The following ARID3B variants were observed in gnomAD, a reference collection of about 807,000 sequenced individuals.
The protein encoded by ARID3B is AT-rich interaction domain 3B.
A neutral mutation model predicts 51.9 loss-of-function variants in ARID3B; 10 were observed. That is an observed-to-expected ratio of 0.19 (90% confidence interval 0.12 to 0.33). The LOEUF is 0.33. Among genes scored for constraint, ARID3B ranks in the 10% least tolerant of loss-of-function variants. The pLI, the probability that ARID3B is intolerant of heterozygous loss-of-function variation, is 1.00. For missense variants in ARID3B, 483 were observed against 716.3 expected (o/e 0.67, Z 3.72); for synonymous variants, 205 against 279.5 (o/e 0.73, Z 2.66).
rs371858380 is a variant in ARID3B at position 74,584,220 on chromosome 15, T to C, written c.698-5600T>C. 5.3e-5 allele frequency among the ~76,000 whole-genome samples: 8 copies of C among 152,292 alleles called. No individual in the cohort carries two copies. In the East Asian group the frequency reaches 1.5e-3, roughly 29 times the overall value. On this transcript the variant is annotated intron_variant, in intron 4 of 8. Transcript: ENST00000346246. ...GTAGTTGCCAGTATCTGTTGTGATA[T>C]TCTCTATATGAACAAGTCATGGGGG...
chr15:74,551,033 G>T (rs2061635683), intron 2 of ARID3B, among the ~76,000 whole-genome samples: 1 of 152,198 alleles, frequency 6.6e-6, no homozygotes, highest in Admixed American at 6.5e-5. Context: ...AAGTCCTGCA[G>T]TCAGCTCTGT....
chr15:74,562,201 G>A (rs1380126282), intron 2 of ARID3B, among the ~76,000 whole-genome samples: 1 of 151,996 alleles, frequency 6.6e-6, no homozygotes, highest in South Asian at 2.1e-4. Flanking sequence ...GAGTGCAATA[G>A]CACGATCTTG....
rs2061597702 is a variant in ARID3B at position 74,542,152 on chromosome 15, GTGAT to G, written c.-78+830_-78+833del. Among the ~76,000 whole-genome samples the G allele has an allele frequency of 3.3e-5, 5 of 152,222 alleles. No individual in the cohort carries two copies. The South Asian group carries it at 8.3e-4, about 25-fold the overall frequency. On this transcript the variant is annotated intron_variant, in intron 1 of 8. Transcript: ENST00000346246. ...ACTTGGTTGAGAAGTTATTCCGATC[GTGAT>G]TGATTGACTGTAATGACTATGAGGA...
intron 2 of ARID3B, among the ~76,000 whole-genome samples, chr15:74,549,268 G>A (rs1325788073): frequency 6.6e-6 from 1 of 151,926 alleles, no homozygotes; most frequent in Non-Finnish European, 1.5e-5. Context: ...GTAGAGACGG[G>A]GTTTCACCGT....
intron 2 of ARID3B, among the ~76,000 whole-genome samples, chr15:74,544,691 T>G (rs2061609131): frequency 6.9e-6 from 1 of 144,584 alleles, no homozygotes; most frequent in Admixed American, 6.9e-5. Context: ...ATGTTACTCT[T>G]TTTTTTTTTT....
chr15:74,591,522 G>A lies in ARID3B; in HGVS notation c.1166-38G>A, dbSNP rs775159484. ...AAGACTGGGGTTTTGGGGCAAGAGG[G>A]TCAATTGTGGATTGGTCCAGCTCCA... is the stretch of plus-strand genomic sequence containing the variant. On this transcript the variant is annotated intron_variant, in intron 6 of 8. Transcript: ENST00000346246. This position sits in a 1 kb window ranked among gnomAD's most constrained non-coding sequence, Gnocchi z 5.8. 1.9e-6 allele frequency: 3 copies of A among 1,599,494 alleles called. No homozygotes were observed. Among genetic ancestry groups the A allele is most frequent in the South Asian group, 1.1e-5 (1 of 89,980 alleles).
chr15:74,591,401 C>T lies in ARID3B; in HGVS notation c.1132C>T (p.Pro378Ser). The T allele has an allele frequency of 6.2e-7, 1 of 1,608,088 alleles. No homozygotes were observed. The highest frequency in any genetic ancestry group is 2.2e-5 in the East Asian group (1 of 44,664). ...CAGCAGTGGTACCAATACCAGTAGCCCTCGGATATCCCCAGCAACCACTCT... is the reference window on the plus strand; with the variant it reads ...CAGCAGTGGTACCAATACCAGTAGCTCTCGGATATCCCCAGCAACCACTCT... ...GSSSGTNTSS[P>S]RISPATTLRK... The change falls in exon 6 of 9, where the codon CCT becomes TCT. Residue 378 changes from proline to serine, a missense_variant. By Grantham distance (74) the Pro-to-Ser change is moderately conservative (BLOSUM62 -1). Around this residue, in one of 3 missense-constraint regions of ARID3B, gnomAD observed 265 missense variants for 354.4 expected, o/e 0.75. Coordinates refer to ENST00000346246, the MANE Select transcript of ARID3B (RefSeq NM_006465.4). This position sits in a 1 kb window ranked among gnomAD's most constrained non-coding sequence, Gnocchi z 5.8.
chr15:74,585,213 C>G (rs965833506), intron 4 of ARID3B, among the ~76,000 whole-genome samples: 1 of 152,218 alleles, frequency 6.6e-6, no homozygotes, highest in Non-Finnish European at 1.5e-5. Flanking sequence ...GATCTCTCTT[C>G]AGTGGGTGTT....
At chr15:74,541,930 T>C (rs2061596904) in intron 1 of ARID3B, among the ~76,000 whole-genome samples, 1 of 152,086 alleles carries the variant, frequency 6.6e-6, no homozygotes, top group African/African-American at 2.4e-5. Context: ...CAGGTGGCAT[T>C]GTTTGGATCG....
Position 74,595,649 on chromosome 15 carries a change from A to G in ARID3B, c.1558A>G (p.Thr520Ala). 6.2e-7 allele frequency: 1 copy of G among 1,613,284 alleles called. No individual in the cohort carries two copies. The highest frequency in any genetic ancestry group is 2.2e-5 in the East Asian group (1 of 44,860). The change falls in exon 9 of 9, where the codon ACG becomes GCG. Residue 520 changes from threonine (T) to alanine (A), a missense_variant. By Grantham distance (58) the Thr-to-Ala change is moderately conservative. Around this residue, in one of 3 missense-constraint regions of ARID3B, gnomAD observed 265 missense variants for 354.4 expected, o/e 0.75. Transcript: ENST00000346246. ...FAQKPVVHLI[T>A]GSAPQSLGSS... ...CCAGAAGCCTGTGGTCCACCTCATC[A>G]CGGGGTCTGCTCCCCAGAGCCTCGG...
intron 4 of ARID3B, among the ~76,000 whole-genome samples, chr15:74,586,256 C>T (rs2061781300): frequency 6.6e-6 from 1 of 152,236 alleles, no homozygotes; most frequent in African/African-American, 2.4e-5. Flanking sequence ...CAGAAGAGTA[C>T]ACTTTCCCCT....
chr15:74,584,195 G>T lies in ARID3B; in HGVS notation c.698-5625G>T, dbSNP rs145675065. On this transcript the variant is annotated intron_variant, in intron 4 of 8. Transcript: ENST00000346246. ...AGTTTTTCAGCCCTTGTCCCCTGTAGTAGTTGCCAGTATCTGTTGTGATAT... is the reference window on the plus strand; with the variant it reads ...AGTTTTTCAGCCCTTGTCCCCTGTATTAGTTGCCAGTATCTGTTGTGATAT... Among the ~76,000 whole-genome samples, 830 of 152,322 alleles carry T rather than the reference G, an allele frequency of 5.4e-3. 3 individuals are homozygous for T. The highest frequency in any genetic ancestry group is 8.5e-3 in the Admixed American group (130 of 15,310).
intron 1 of ARID3B, among the ~76,000 whole-genome samples, chr15:74,543,211 G>T (rs905647285): frequency 1.3e-5 from 2 of 152,252 alleles, no homozygotes; most frequent in East Asian, 3.9e-4. Flanking sequence ...GATTCTTTTT[G>T]AGGCTATAAT....
chr15:74,559,712 A>G (rs1373284839), intron 2 of ARID3B, among the ~76,000 whole-genome samples: 1 of 152,124 alleles, frequency 6.6e-6, no homozygotes, highest in Non-Finnish European at 1.5e-5. Flanking sequence ...TACTCTGCAA[A>G]TGACTTTTAC....
chr15:74,547,157 C>T (rs1035611795), intron 2 of ARID3B, among the ~76,000 whole-genome samples: 2 of 151,300 alleles, frequency 1.3e-5, no homozygotes, highest in African/African-American at 2.4e-5. Flanking sequence ...TCTTTCCCCC[C>T]CGCCTTCCCC....
intron 4 of ARID3B, among the ~76,000 whole-genome samples, chr15:74,575,915 G>A (rs1474989689): frequency 1.3e-5 from 2 of 152,132 alleles, no homozygotes; most frequent in Admixed American, 1.3e-4. Context: ...TTTTAATTTT[G>A]AGACAGGGTC....
chr15:74,566,535 G>A (rs1433596355), intron 2 of ARID3B, among the ~76,000 whole-genome samples: 11 of 151,794 alleles, frequency 7.2e-5, no homozygotes, highest in African/African-American at 1.9e-4. Flanking sequence ...CCAGGGAGGC[G>A]GAGGTTGTAG....
intron 4 of ARID3B, among the ~76,000 whole-genome samples, chr15:74,578,784 C>CTT (rs1169874300): frequency 3.9e-5 from 6 of 152,070 alleles, no homozygotes; most frequent in Non-Finnish European, 8.8e-5. Flanking sequence ...GTCTCAGCTA[C>CTT]TTTGGAGGCT....
intron 2 of ARID3B, among the ~76,000 whole-genome samples, chr15:74,569,516 G>T (rs1167076946): frequency 6.6e-6 from 1 of 152,182 alleles, no homozygotes; most frequent in Non-Finnish European, 1.5e-5. Flanking sequence ...GAACCTAAGA[G>T]GCAGAGGTCG....
Sources: allele counts gnomAD v4.1 joint callset (sites outside exome capture counted in the v4.1 genomes callset), GRCh38; gene constraint gnomAD v4.1.1; regional missense constraint gnomAD v4.1.1; non-coding constraint Gnocchi (gnomAD v3.1); transcripts MANE v1.5; gene names NCBI Gene and HGNC (gene_info 2026-07-23, HGNC 2026-07-21).